Variants in MAST4 observed in about 807,000 individuals in gnomAD.
The protein encoded by MAST4 is microtubule associated serine/threonine kinase family member 4.
Under a neutral mutation model 162.7 loss-of-function variants are expected in MAST4, and 89 were observed. That is an observed-to-expected ratio of 0.55 (90% CI 0.46 to 0.65). The LOEUF (loss-of-function observed/expected upper bound fraction) is 0.65. Ranked by LOEUF, MAST4 falls within the 30% of genes least tolerant of loss-of-function variation. The pLI is 0.00. For missense variants in MAST4, 3,153 were observed against 3,374.0 expected (o/e 0.93, Z 1.62); for synonymous variants, 1,479 against 1,361.1 (o/e 1.09, Z -1.91).
At position 66,924,651 on chromosome 5, in the gene MAST4, C is replaced by T. The variant is rs550907156; in HGVS notation, c.674+24669C>T. Among the ~76,000 whole-genome samples, 8 of 152,220 alleles carry T rather than the reference C, an allele frequency of 5.3e-5. No individual in the cohort carries two copies. The South Asian group carries it at 1.2e-3, about 24-fold the overall frequency. On this transcript the variant is annotated intron_variant, in intron 4 of 28. Coordinates refer to ENST00000403625, the MANE Select transcript of MAST4 (RefSeq NM_001164664.2). ...CTCGTGATCCGCCTACCTCTGCCCC[C>T]CAAAGTGGTGGGATTACAGGTGTGA...
At chr5:66,844,976 G>A (rs1435487861) in intron 3 of MAST4, among the ~76,000 whole-genome samples, 1 of 150,852 alleles carries the variant, frequency 6.6e-6, no homozygotes, top group East Asian at 2.0e-4. Context: ...TTATCTTATG[G>A]GTGCTAAATG....
chr5:66,877,886 A>G (rs1280197541), intron 3 of MAST4, among the ~76,000 whole-genome samples: 2 of 152,212 alleles, frequency 1.3e-5, no homozygotes, highest in Non-Finnish European at 2.9e-5. Context: ...AAAAGCAAAA[A>G]CAATAGAAAT....
At chr5:66,900,684 A>G (rs948368565) in intron 4 of MAST4, among the ~76,000 whole-genome samples, 4 of 151,460 alleles carry the variant, frequency 2.6e-5, no homozygotes, top group Non-Finnish European at 5.9e-5. Context: ...TGTCTGATTT[A>G]AGTTGAAGAA....
chr5:66,921,823 G>A (rs1277902302), intron 4 of MAST4, among the ~76,000 whole-genome samples: 2 of 152,182 alleles, frequency 1.3e-5, no homozygotes, highest in Non-Finnish European at 2.9e-5. Context: ...GACTTGTAAA[G>A]TTTGCATACA....
chr5:66,614,271 G>T lies in MAST4; in HGVS notation c.363+17253G>T, dbSNP rs533318569. Among the ~76,000 whole-genome samples, 12 of 152,294 alleles carry T rather than the reference G, an allele frequency of 7.9e-5. No homozygotes were observed. The South Asian group carries it at 2.5e-3, about 32-fold the overall frequency. On this transcript the variant is annotated intron_variant, in intron 1 of 28. Transcript: ENST00000403625. ...GTCTGGCCAGTTCCACTACTTCAAA[G>T]ATTCTCTGTCTCAGTTATTTTTATT...
At chr5:67,100,078 G>T (rs1764866181) in intron 7 of MAST4, among the ~76,000 whole-genome samples, 1 of 152,124 alleles carries the variant, frequency 6.6e-6, no homozygotes, top group Non-Finnish European at 1.5e-5. Context: ...AAACTCGGGG[G>T]TGCCATGTTC....
intron 4 of MAST4, among the ~76,000 whole-genome samples, chr5:66,949,084 A>T (rs1744372527): frequency 6.6e-6 from 1 of 152,218 alleles, no homozygotes; most frequent in African/African-American, 2.4e-5. Flanking sequence ...AAAAATATTA[A>T]ATTAATGAAT....
intron 4 of MAST4, among the ~76,000 whole-genome samples, chr5:66,997,923 T>G (rs1432018394): frequency 6.6e-6 from 1 of 152,254 alleles, no homozygotes; most frequent in African/African-American, 2.4e-5. Context: ...GTGGAATAAT[T>G]GGAATTGATC....
rs1770530229 is a variant in MAST4 at position 67,142,591 on chromosome 5, A to C, written c.2730+58A>C. ...TCTCTGGGAGGATCTCCCGCTGGCC[A>C]GATAGTATCCCCGAACAGCTGGACA... On this transcript the variant is annotated intron_variant, in intron 21 of 28. Transcript: ENST00000403625. The C allele has an allele frequency of 1.3e-5, 15 of 1,162,352 alleles. No individual in the cohort carries two copies. The South Asian group carries it at 1.6e-4, about 13-fold the overall frequency. The allele number at this position is 1,162,352 out of a possible 1,614,324, so 72.0% of individuals were successfully genotyped here.
intron 1 of MAST4, among the ~76,000 whole-genome samples, chr5:66,673,475 A>G (rs1747738144): frequency 6.7e-6 from 1 of 149,342 alleles, no homozygotes; most frequent in African/African-American, 2.5e-5. Context: ...ATAACTTGCT[A>G]TATATTTATC....
intron 4 of MAST4, among the ~76,000 whole-genome samples, chr5:66,906,807 A>G (rs1341303716): frequency 6.6e-6 from 1 of 152,200 alleles, no homozygotes; most frequent in Non-Finnish European, 1.5e-5. Context: ...AGAATAATGA[A>G]CTTATTTTAC....
chr5:66,749,283 G>A (rs974019956), intron 1 of MAST4, among the ~76,000 whole-genome samples: 17 of 152,088 alleles, frequency 1.1e-4, no homozygotes, highest in Admixed American at 3.3e-4. Flanking sequence ...ACATGACATT[G>A]GGATTCTGTT....
intron 18 of MAST4, 59 bp downstream of exon 18, chr5:67,134,747 A>C: frequency 7.1e-7 from 1 of 1,415,328 alleles, no homozygotes; most frequent in East Asian, 2.3e-5. Flanking sequence ...TTTAATGTAA[A>C]TCTGTTGAGT....
At chr5:66,921,295 C>A (rs771106207) in intron 4 of MAST4, among the ~76,000 whole-genome samples, 2 of 152,068 alleles carry the variant, frequency 1.3e-5, no homozygotes. Flanking sequence ...ATATTTCAGG[C>A]CTCATGTTCA....
chr5:66,724,136 T>C lies in MAST4; in HGVS notation c.364-35573T>C, dbSNP rs58499864. ...ATGCTGATTGCATGTTGGCCCACTT[T>C]ACCAAGCAAGGTATTAATTTTCTTC... On this transcript the variant is annotated intron_variant, in intron 1 of 28. Coordinates refer to ENST00000403625, the MANE Select transcript of MAST4 (RefSeq NM_001164664.2). Among the ~76,000 whole-genome samples the C allele has an allele frequency of 7.1e-3, 1,084 of 152,326 alleles. 8 individuals are homozygous for C. Among genetic ancestry groups the C allele is most frequent in the African/African-American group, 0.024 (1,003 of 41,572 alleles).
intron 2 of MAST4, among the ~76,000 whole-genome samples, chr5:66,788,147 T>C (rs543969420): frequency 1.3e-5 from 2 of 152,332 alleles, no homozygotes; most frequent in African/African-American, 4.8e-5. Context: ...ACAGACACAG[T>C]TGGATGGCCA....
intron 13 of MAST4, among the ~76,000 whole-genome samples, chr5:67,120,520 T>C (rs560577713): frequency 5.3e-5 from 8 of 152,318 alleles, no homozygotes; most frequent in South Asian, 2.1e-4. Context: ...ATTTCTGGCA[T>C]GGAAGTAAAG....
intron 4 of MAST4, among the ~76,000 whole-genome samples, chr5:66,930,177 G>T (rs1224043893): frequency 3.3e-5 from 5 of 152,172 alleles, no homozygotes; most frequent in Non-Finnish European, 7.3e-5. Context: ...AGAGACGACT[G>T]AAACTGTGCC....
At chr5:67,136,165 A>G (rs1407170217) in intron 18 of MAST4, among the ~76,000 whole-genome samples, 1 of 152,248 alleles carries the variant, frequency 6.6e-6, no homozygotes, top group East Asian at 1.9e-4. Flanking sequence ...TGAACCTGAG[A>G]TAATCCCTGG....
Sources: gnomAD v4.1 joint callset for allele counts (sites outside exome capture counted in the v4.1 genomes callset) on GRCh38, gnomAD v4.1.1 for gene constraint, MANE v1.5 for transcripts, NCBI Gene and HGNC (gene_info 2026-07-23, HGNC 2026-07-21) for gene names.